Variants in PLEKHA7 observed in about 807,000 individuals in gnomAD.
PLEKHA7 encodes pleckstrin homology domain containing A7, also known as pleckstrin homology domain-containing family A member 7.
In PLEKHA7, 104 loss-of-function variants were observed where a neutral mutation model predicts 170.0. The observed-to-expected ratio is 0.61, with a 90% CI of 0.52 to 0.72. The LOEUF (loss-of-function observed/expected upper bound fraction) is 0.72. Among genes scored for constraint, PLEKHA7 ranks in the 30% least tolerant of loss-of-function variants. The pLI is 0.00. For synonymous variants in PLEKHA7, 648 were observed against 660.8 expected (o/e 0.98, Z 0.30); for missense variants, 1,615 against 1,671.7 (o/e 0.97, Z 0.59).
chr11:16,979,987 G>T (rs1175034175), intron 3 of PLEKHA7, among the ~76,000 whole-genome samples: 1 of 152,164 alleles, frequency 6.6e-6, no homozygotes. Context: ...GAAGCAAGGG[G>T]TCCTGCCACA....
At chr11:16,878,589 T>C (rs1237112980) in intron 3 of PLEKHA7, among the ~76,000 whole-genome samples, 3 of 152,310 alleles carry the variant, frequency 2.0e-5, no homozygotes, top group East Asian at 1.9e-4. Flanking sequence ...CCTTGCAGCC[T>C]GGATGCTCTT....
intron 3 of PLEKHA7, among the ~76,000 whole-genome samples, chr11:16,903,855 C>T (rs1156697045): frequency 6.6e-6 from 1 of 152,212 alleles, no homozygotes; most frequent in African/African-American, 2.4e-5. Flanking sequence ...CCTGGGGCAG[C>T]ACACAGTCAG....
chr11:16,898,090 C>A (rs1857110096), intron 3 of PLEKHA7, among the ~76,000 whole-genome samples: 1 of 152,106 alleles, frequency 6.6e-6, no homozygotes, highest in African/African-American at 2.4e-5. Flanking sequence ...TGACCAGGAA[C>A]ACTTTCAGAA....
At chr11:16,879,045 A>G (rs1855516762) in intron 3 of PLEKHA7, among the ~76,000 whole-genome samples, 1 of 152,222 alleles carries the variant, frequency 6.6e-6, no homozygotes, top group South Asian at 2.1e-4. Flanking sequence ...GAATGCAAAC[A>G]CCTGATAGGA....
Position 16,871,119 on chromosome 11 carries a change from A to G in PLEKHA7, c.285T>C (p.Ser95=). Residue 95 remains serine (S), a synonymous_variant, in exon 4 of 27, where the codon AGT becomes AGC. Coordinates refer to ENST00000531066, the MANE Select transcript of PLEKHA7 (RefSeq NM_001329630.2). ...PVTGQFSPEN[S]EFILQEEPNP... ...CTTACTCTTCTTGAAGAATGAATTC[A>G]CTATTTTCTGGAGAAAACTGTCCCG... The G allele has an allele frequency of 6.2e-7, 1 of 1,603,080 alleles. No homozygotes were observed.
At chr11:16,834,819 G>A (rs1038064774) in intron 9 of PLEKHA7, among the ~76,000 whole-genome samples, 1 of 152,138 alleles carries the variant, frequency 6.6e-6, no homozygotes, top group Non-Finnish European at 1.5e-5. Context: ...GAATATGGAC[G>A]TGAGGCAGAA....
intron 9 of PLEKHA7, among the ~76,000 whole-genome samples, chr11:16,832,740 C>T (rs1363938730): frequency 6.6e-6 from 1 of 152,178 alleles, no homozygotes; most frequent in South Asian, 2.1e-4. Flanking sequence ...GGATCCCTCC[C>T]TGCTCACCTT....
rs146315780 is a variant in PLEKHA7 at position 16,854,898 on chromosome 11, C to A, written c.513G>T (p.Leu171=). 203 of 1,613,812 alleles carry A rather than the reference C, an allele frequency of 1.3e-4. No individual in the cohort carries two copies. The African/African-American group carries it at 2.5e-3, about 20-fold the overall frequency. The change falls in exon 6 of 27, where the codon CTG becomes CTT. Residue 171 remains leucine, a synonymous_variant. Coordinates refer to ENST00000531066, the MANE Select transcript of PLEKHA7 (RefSeq NM_001329630.2). ...TCCTCGGCTTCCTCACCTGCTTGTG[C>A]AGCCAGCCCCTCACCACCACGGGAA... is the stretch of plus-strand genomic sequence containing the variant. ...PNVPVVVRGW[L]HKQDSSGMRL...
intron 3 of PLEKHA7, among the ~76,000 whole-genome samples, chr11:16,941,674 T>G (rs1860702098): frequency 6.6e-6 from 1 of 152,226 alleles, no homozygotes; most frequent in African/African-American, 2.4e-5. Flanking sequence ...TTATTAGCTT[T>G]TTTATACATG....
rs776051351 is a variant in PLEKHA7 at position 16,791,103 on chromosome 11, T to C, written c.2842A>G (p.Ile948Val). The change falls in exon 20 of 27, where the codon ATC (isoleucine) becomes GTC (valine). Residue 948 changes from isoleucine (I) to valine (V), a missense_variant. Physicochemically the swap from Ile to Val is conservative, Grantham distance 29. Coordinates refer to ENST00000531066, the MANE Select transcript of PLEKHA7 (RefSeq NM_001329630.2). The surrounding 1 kb of genome is among the most constrained non-coding windows in gnomAD (Gnocchi z 4.5). ...AGGCCCCGCACAGATGTGTGCCGGA[T>C]GATGGTGGCCTCTCTTGGCAGAGGC... is the stretch of plus-strand genomic sequence containing the variant. ...VPPLPREATIIRHTSVRGLKR... is the reference protein window; with the variant it reads ...VPPLPREATIVRHTSVRGLKR... The C allele has an allele frequency of 6.2e-7, 1 of 1,614,150 alleles. No homozygotes were observed. Among genetic ancestry groups the C allele is most frequent in the Non-Finnish European group, 8.5e-7 (1 of 1,180,034 alleles).
chr11:16,922,785 AC>A (rs1161387792), intron 3 of PLEKHA7, among the ~76,000 whole-genome samples: 1 of 152,014 alleles, frequency 6.6e-6, no homozygotes, highest in East Asian at 1.9e-4. Flanking sequence ...TCAACCAAGT[AC>A]CTCTTTTAAG....
rs563605746 is a variant in PLEKHA7, at chr11:16,894,095, A to G, written c.222-22913T>C. 1.8e-4 allele frequency among the ~76,000 whole-genome samples: 28 copies of G among 152,312 alleles called. 1 individual carries two copies. In the South Asian group the frequency reaches 5.6e-3, roughly 30 times the overall value. On this transcript the variant is annotated intron_variant, in intron 3 of 26. Transcript: ENST00000531066. ...AGAGTCTAGGGACTCCAGAGGCCCA[A>G]CAGCTCAGGAGGGGGAGGTTGCCAA...
chr11:16,893,799 G>A (rs1856829334), intron 3 of PLEKHA7, among the ~76,000 whole-genome samples: 1 of 152,194 alleles, frequency 6.6e-6, no homozygotes, highest in Admixed American at 6.5e-5. Context: ...GGCCAGCAGT[G>A]CCCAAAGCCC....
intron 3 of PLEKHA7, among the ~76,000 whole-genome samples, chr11:16,901,595 A>C (rs987367662): frequency 2.6e-5 from 4 of 152,200 alleles, no homozygotes. Flanking sequence ...GTAGCTGGGC[A>C]TGGTGGCTCA....
chr11:16,934,160 A>G (rs1257798898), intron 3 of PLEKHA7, among the ~76,000 whole-genome samples: 1 of 151,494 alleles, frequency 6.6e-6, no homozygotes, highest in Non-Finnish European at 1.5e-5. Context: ...CCACTTCAAC[A>G]CTCCCTTTTT....
chr11:16,936,728 A>G (rs1320256481), intron 3 of PLEKHA7, among the ~76,000 whole-genome samples: 1 of 152,250 alleles, frequency 6.6e-6, no homozygotes, highest in Non-Finnish European at 1.5e-5. Context: ...ACCAGGGAAA[A>G]TGAGTTCTGA....
intron 3 of PLEKHA7, among the ~76,000 whole-genome samples, chr11:16,958,400 G>T (rs557856068): frequency 1.3e-5 from 2 of 152,272 alleles, no homozygotes; most frequent in East Asian, 3.9e-4. Context: ...GATTTTTTAA[G>T]TAAAAACAGA....
Position 16,871,099 on chromosome 11 carries a change from T to G in PLEKHA7, c.305A>C (p.Glu102Ala), listed in dbSNP as rs61755456. ...PENSEFILQEEPNPHMSKQDR... is the reference protein window; with the variant it reads ...PENSEFILQEAPNPHMSKQDR... ...AAGGAGAATACATAAAAAGACTTAC[T>G]CTTCTTGAAGAATGAATTCACTATT... Residue 102 changes from glutamate to alanine, a missense_variant and splice_region_variant, in exon 4 of 27, where the codon GAG (glutamate) becomes GCG (alanine). Transcript: ENST00000531066. 1.5e-5 allele frequency: 23 copies of G among 1,586,182 alleles called. No homozygotes were observed. In the African/African-American group the frequency reaches 2.7e-4, roughly 19 times the overall value.
intron 3 of PLEKHA7, among the ~76,000 whole-genome samples, chr11:16,978,269 G>A (rs890514739): frequency 1.4e-4 from 22 of 152,144 alleles, no homozygotes; most frequent in African/African-American, 3.9e-4. Context: ...TTTTGTTCAC[G>A]TCCCTCAATT....
Sources: allele counts gnomAD v4.1 joint callset (sites outside exome capture counted in the v4.1 genomes callset), GRCh38; gene constraint gnomAD v4.1.1; non-coding constraint Gnocchi (gnomAD v3.1); transcripts MANE v1.5; gene names NCBI Gene and HGNC (gene_info 2026-07-23, HGNC 2026-07-21).